PCDHGA2: variants seen among roughly 807,000 people sequenced by gnomAD.
PCDHGA2 encodes the protein protocadherin gamma subfamily A, 2.
Under a neutral mutation model 59.2 loss-of-function variants are expected in PCDHGA2, and 40 were observed. The ratio of observed to expected loss-of-function variants is 0.68; its 90% confidence interval spans 0.52 to 0.88. The LOEUF (loss-of-function observed/expected upper bound fraction) is 0.88. PCDHGA2 is among the 40% of genes least tolerant of loss of function. The pLI is 0.00. For synonymous variants in PCDHGA2, 560 were observed against 526.0 expected, an observed-to-expected ratio of 1.06 and a Z score of -0.89; for missense variants, 1,226 against 1,204.0, an observed-to-expected ratio of 1.02 and a Z score of -0.27.
Position 141,487,247 on chromosome 5 carries a change from T to C in PCDHGA2, c.2425-7560T>C. Reference sequence around the variant, plus strand: ...GGAAGGAGAATCTCGTCTAACCCTCTACTTGGCTGTGTCCCTAGTGGCAAT... The same window carrying C: ...GGAAGGAGAATCTCGTCTAACCCTCCACTTGGCTGTGTCCCTAGTGGCAAT... On this transcript the variant is annotated intron_variant, in intron 1 of 3. Transcript: ENST00000394576. This position sits in a 1 kb window ranked among gnomAD's most constrained non-coding sequence, Gnocchi z 5.0. 1 of 1,614,174 alleles carries C rather than the reference T, an allele frequency of 6.2e-7. No individual in the cohort carries two copies. The highest frequency in any genetic ancestry group is 1.3e-5 in the African/African-American group (1 of 75,048).
At chr5:141,355,194 G>A (rs768677645) in intron 1 of PCDHGA2, 3 of 1,595,232 alleles carry the variant, frequency 1.9e-6, no homozygotes, top group Non-Finnish European at 2.6e-6. Flanking sequence ...TCCGCGGCGG[G>A]GTTGTAATGG....
intron 1 of PCDHGA2, chr5:141,396,168 T>C (rs2093349513): frequency 2.0e-5 from 3 of 152,184 alleles, no homozygotes; most frequent in Admixed American, 2.0e-4. Flanking sequence ...AGTTATTCAG[T>C]CTTGGCTGGA....
intron 1 of PCDHGA2, chr5:141,418,398 T>C (rs754177868): frequency 6.2e-7 from 1 of 1,613,842 alleles, no homozygotes; most frequent in South Asian, 1.1e-5. Flanking sequence ...TATTTCTCAT[T>C]GGTGGAGAAA....
intron 2 of PCDHGA2, among the ~76,000 whole-genome samples, chr5:141,498,971 G>GGGAAGGAAGGAAGGAAGGAAGGAAGGAA (rs201769957): frequency 9.0e-6 from 1 of 110,972 alleles, no homozygotes; most frequent in Non-Finnish European, 1.8e-5. Flanking sequence ...GAGGGAGGGA[G>GGGAAGGAAGGAAGGAAGGAAGGAAGGAA]GGAAGGAAGG....
chr5:141,472,065 G>C lies in PCDHGA2; in HGVS notation c.2425-22742G>C, dbSNP rs115025688. Among the ~76,000 whole-genome samples the C allele has an allele frequency of 1.7e-3, 265 of 152,218 alleles. 1 individual carries two copies. Among genetic ancestry groups the C allele is most frequent in the Middle Eastern group, 3.4e-3 (1 of 294 alleles). On this transcript the variant is annotated intron_variant, in intron 1 of 3. Coordinates refer to ENST00000394576, the MANE Select transcript of PCDHGA2 (RefSeq NM_018915.4). ...GATTTTAAAAATGATTGACATGTCT[G>C]TGGTTATATCAATGAGTACTATTAT...
At chr5:141,394,611 C>A (rs774009952) in intron 1 of PCDHGA2, 1 of 1,613,420 alleles carries the variant, frequency 6.2e-7, no homozygotes, top group Non-Finnish European at 8.5e-7. Flanking sequence ...AGACTCGGGC[C>A]AGAACGCCTG....
At chr5:141,450,653 A>AT (rs2098689237) in intron 1 of PCDHGA2, among the ~76,000 whole-genome samples, 1 of 151,192 alleles carries the variant, frequency 6.6e-6, no homozygotes, top group Non-Finnish European at 1.5e-5. Context: ...TGCCTGGCTA[A>AT]TTTTTGTACT....
At chr5:141,419,505 G>C in intron 1 of PCDHGA2, 1 of 1,612,324 alleles carries the variant, frequency 6.2e-7, no homozygotes, top group Non-Finnish European at 8.5e-7. Flanking sequence ...GTGAGCCTGC[G>C]CGTGTTGGTG....
intron 2 of PCDHGA2, among the ~76,000 whole-genome samples, 170 bp from the exon 3 acceptor site, chr5:141,505,223 A>G (rs746167057): frequency 1.9e-4 from 29 of 152,176 alleles, no homozygotes; most frequent in Admixed American, 6.5e-5. Flanking sequence ...GACTTGTGGG[A>G]TTCTGGCTTC....
chr5:141,408,279 A>G (rs1313502495), intron 1 of PCDHGA2: 1 of 1,612,184 alleles, frequency 6.2e-7, no homozygotes, highest in Admixed American at 1.7e-5. Flanking sequence ...CCTTTGTTCT[A>G]CCCCACCCTG....
chr5:141,425,587 T>G (rs2096884432), intron 1 of PCDHGA2, among the ~76,000 whole-genome samples: 2 of 152,226 alleles, frequency 1.3e-5, no homozygotes. Flanking sequence ...CTAACTTTAT[T>G]CTGAATATGC....
chr5:141,420,187 CA>C (rs779974762), intron 1 of PCDHGA2: 25 of 1,613,706 alleles, frequency 1.5e-5, no homozygotes, highest in Non-Finnish European at 2.1e-5. Flanking sequence ...ATTGTCCAGC[CA>C]CACAAGATAA....
chr5:141,383,095 A>G, intron 1 of PCDHGA2: 1 of 1,613,956 alleles, frequency 6.2e-7, no homozygotes, highest in Non-Finnish European at 8.5e-7. Context: ...CGGAGTCCGC[A>G]TCATCTCCAG....
At chr5:141,415,071 G>A (rs757356726) in intron 1 of PCDHGA2, 21 of 1,613,422 alleles carry the variant, frequency 1.3e-5, no homozygotes, top group East Asian at 2.2e-5. Flanking sequence ...AGGTGCGCAC[G>A]GCGCGAGCCC....
At chr5:141,365,844 T>C (rs1264460635) in intron 1 of PCDHGA2, 2 of 1,613,980 alleles carry the variant, frequency 1.2e-6, no homozygotes, top group Non-Finnish European at 1.7e-6. Context: ...TCCTCCTATG[T>C]ATCCATTAAC....
Position 141,486,971 on chromosome 5 carries a change from T to G in PCDHGA2, c.2425-7836T>G. ...AAAGGTGACTGCTGTGGACTTGGAT[T>G]CAGGTTACAATGCTTGGGTTTCCTA... On this transcript the variant is annotated intron_variant, in intron 1 of 3. Transcript: ENST00000394576. The surrounding 1 kb of genome is among the most constrained non-coding windows in gnomAD (Gnocchi z 5.0). The G allele has an allele frequency of 6.2e-7, 1 of 1,614,220 alleles. No homozygotes were observed. The highest frequency in any genetic ancestry group is 8.5e-7 in the Non-Finnish European group (1 of 1,180,042).
At chr5:141,494,755 C>T (rs1246224213) in intron 1 of PCDHGA2, 52 bp from the exon 2 acceptor site, 18 of 1,613,724 alleles carry the variant, frequency 1.1e-5, no homozygotes, top group African/African-American at 1.3e-5. Context: ...GCTCGGGTGA[C>T]ATTCTAACTT....
chr5:141,457,891 T>C (rs2154566084), intron 1 of PCDHGA2, among the ~76,000 whole-genome samples: 1 of 152,346 alleles, frequency 6.6e-6, no homozygotes, highest in South Asian at 2.1e-4. Context: ...GTGTGGGGAC[T>C]GTGTAGACAA....
chr5:141,489,425 G>A lies in PCDHGA2; in HGVS notation c.2425-5382G>A, dbSNP rs779739693. 18 of 1,614,000 alleles carry A rather than the reference G, an allele frequency of 1.1e-5. No homozygotes were observed. Among genetic ancestry groups the A allele is most frequent in the South Asian group, 5.5e-5 (5 of 91,074 alleles). The stretch of plus-strand genomic sequence containing the variant: ...TTAAAGATGACAGATCTGTTGAGCC[G>A]GCGGCTGCAATTGGGCTCTGAGGAG... On this transcript the variant is annotated intron_variant, in intron 1 of 3. Transcript: ENST00000394576. This position sits in a 1 kb window ranked among gnomAD's most constrained non-coding sequence, Gnocchi z 4.5.
Sources: gnomAD v4.1 joint callset for allele counts (sites outside exome capture counted in the v4.1 genomes callset) on GRCh38, gnomAD v4.1.1 for gene constraint, Gnocchi (gnomAD v3.1) non-coding constraint, MANE v1.5 for transcripts, NCBI Gene and HGNC (gene_info 2026-07-23, HGNC 2026-07-21) for gene names.